The following ANKRD55 variants were observed in gnomAD, a reference collection of about 807,000 sequenced individuals.
ANKRD55 encodes the protein ankyrin repeat domain 55.
Under a neutral mutation model 60.6 loss-of-function variants are expected in ANKRD55, and 41 were observed. The observed-to-expected ratio is 0.68, with a 90% CI of 0.53 to 0.88. The LOEUF (loss-of-function observed/expected upper bound fraction) is 0.88. Among genes scored for constraint, ANKRD55 ranks in the 40% least tolerant of loss-of-function variants. The pLI, the probability that ANKRD55 is intolerant of heterozygous loss-of-function variation, is 0.00. For missense variants in ANKRD55, 732 were observed against 767.6 expected, an observed-to-expected ratio of 0.95 and a Z score of 0.55; for synonymous variants, 264 against 290.3, an observed-to-expected ratio of 0.91 and a Z score of 0.92.
chr5:56,198,921 T>TA (rs58895903), intron 2 of ANKRD55, among the ~76,000 whole-genome samples: 23,479 of 151,452 alleles, frequency 0.16, 1,982 homozygotes, highest in South Asian at 0.32. Context: ...CTACTAAAAA[T>TA]ACAAAAAATT....
chr5:56,181,866 A>G (rs1197216331), intron 3 of ANKRD55, among the ~76,000 whole-genome samples: 1 of 152,196 alleles, frequency 6.6e-6, no homozygotes, highest in Admixed American at 6.5e-5. Flanking sequence ...AAGTGTTGGG[A>G]TTATAGGCGT....
intron 10 of ANKRD55, among the ~76,000 whole-genome samples, chr5:56,105,232 G>A (rs1009142520): frequency 1.2e-4 from 19 of 152,086 alleles, no homozygotes; most frequent in African/African-American, 3.6e-4. Flanking sequence ...AACTACAGGC[G>A]TGCGCCACCA....
chr5:56,200,271 T>C (rs1025873117), intron 2 of ANKRD55, among the ~76,000 whole-genome samples: 2 of 152,276 alleles, frequency 1.3e-5, no homozygotes, highest in South Asian at 2.1e-4. Context: ...GAAAAAAGTA[T>C]GTATTTTGCT....
intron 2 of ANKRD55, among the ~76,000 whole-genome samples, chr5:56,227,896 A>G (rs1199655448): frequency 1.3e-5 from 2 of 152,326 alleles, no homozygotes; most frequent in African/African-American, 2.4e-5. Context: ...CGCTCTTGTC[A>G]ATATGTATCC....
chr5:56,192,904 T>A, intron 2 of ANKRD55: 10 of 638,108 alleles, frequency 1.6e-5, no homozygotes, highest in Non-Finnish European at 2.5e-5. Flanking sequence ...TAAAAGTATT[T>A]TTTATGAGTT....
At chr5:56,168,942 C>T (rs868772255) in intron 5 of ANKRD55, among the ~76,000 whole-genome samples, 6 of 152,318 alleles carry the variant, frequency 3.9e-5, no homozygotes, top group South Asian at 2.1e-4. Context: ...CTGCAACCTC[C>T]GCCTCCTGGG....
chr5:56,125,291 T>G (rs1196829228), intron 8 of ANKRD55, among the ~76,000 whole-genome samples: 1 of 152,084 alleles, frequency 6.6e-6, no homozygotes, highest in Non-Finnish European at 1.5e-5. Flanking sequence ...TTCTTTTTTT[T>G]TTTCAGACAG....
chr5:56,144,137 A>G (rs1163461582), intron 6 of ANKRD55, among the ~76,000 whole-genome samples: 1 of 152,246 alleles, frequency 6.6e-6, no homozygotes, highest in Non-Finnish European at 1.5e-5. Context: ...TTCAGGATAC[A>G]AAAGTTAATA....
At chr5:56,231,477 A>AT (rs1760250310) in intron 2 of ANKRD55, among the ~76,000 whole-genome samples, 1 of 152,070 alleles carries the variant, frequency 6.6e-6, no homozygotes, top group African/African-American at 2.4e-5. Context: ...TAGCAACATC[A>AT]TTTTTCAGCC....
chr5:56,227,100 G>A (rs160000), intron 2 of ANKRD55, among the ~76,000 whole-genome samples: 54,112 of 151,698 alleles, frequency 0.36, 10,762 homozygotes, highest in East Asian at 0.84. Flanking sequence ...AATGTCCATC[G>A]ATGATAGACT....
intron 2 of ANKRD55, among the ~76,000 whole-genome samples, chr5:56,219,273 CAA>C (rs35909700): frequency 1.4e-4 from 14 of 97,034 alleles, no homozygotes; most frequent in Non-Finnish European, 2.2e-4. Flanking sequence ...ACTCTGCCTC[CAA>C]AAAAAAAAAA....
At chr5:56,109,386 G>A (rs1490115991) in intron 10 of ANKRD55, among the ~76,000 whole-genome samples, 2 of 152,070 alleles carry the variant, frequency 1.3e-5, no homozygotes, top group African/African-American at 4.8e-5. Context: ...AGAGAAGCTA[G>A]AATTCTAGAT....
At chr5:56,131,888 A>G (rs1757429063) in intron 7 of ANKRD55, among the ~76,000 whole-genome samples, 1 of 151,672 alleles carries the variant, frequency 6.6e-6, no homozygotes, top group Non-Finnish European at 1.5e-5. Context: ...AAAGAAAAGA[A>G]GAACGCTGAA....
intron 8 of ANKRD55, among the ~76,000 whole-genome samples, chr5:56,119,746 T>A (rs1439863796): frequency 6.8e-6 from 1 of 147,820 alleles, no homozygotes; most frequent in African/African-American, 2.4e-5. Flanking sequence ...AAACCCAGTC[T>A]CTACAAAAAA....
At chr5:56,216,563 T>C (rs1759816521) in intron 2 of ANKRD55, among the ~76,000 whole-genome samples, 1 of 152,344 alleles carries the variant, frequency 6.6e-6, no homozygotes, top group Non-Finnish European at 1.5e-5. Context: ...AGAAAAGTTC[T>C]TGAAGGAAAT....
chr5:56,144,661 G>A lies in ANKRD55; in HGVS notation c.484-732C>T, dbSNP rs568806568. Among the ~76,000 whole-genome samples the A allele has an allele frequency of 2.6e-5, 4 of 152,182 alleles. No homozygotes were observed. The South Asian group carries it at 8.3e-4, about 31-fold the overall frequency. ...AATGAAGGATTTTAAGCAGGTACTG[G>A]CATGATCAGATGTACACTGTTTAGA... On this transcript the variant is annotated intron_variant, in intron 6 of 11. Coordinates refer to ENST00000341048, the MANE Select transcript of ANKRD55 (RefSeq NM_024669.3).
intron 4 of ANKRD55, 34 bp downstream of exon 4, chr5:56,176,118 C>T (rs1169411771): frequency 1.2e-6 from 2 of 1,613,508 alleles, no homozygotes; most frequent in Non-Finnish European, 1.7e-6. Flanking sequence ...GCCTACCCTG[C>T]TCCTTCCACC....
chr5:56,231,690 CACACACATACACATACACAA>C (rs1161016451), intron 2 of ANKRD55, among the ~76,000 whole-genome samples: 9 of 145,990 alleles, frequency 6.2e-5, no homozygotes, highest in African/African-American at 2.2e-4. Context: ...CACACACACA[CACACACATACACATACACAA>C]ACACTATTCC....
chr5:56,139,287 G>C (rs533871980), intron 7 of ANKRD55, among the ~76,000 whole-genome samples: 64 of 152,234 alleles, frequency 4.2e-4, no homozygotes, highest in African/African-American at 1.5e-3. Context: ...CACCTCTTTA[G>C]GGACCTACGG....
Sources: gnomAD v4.1 joint callset for allele counts (sites outside exome capture counted in the v4.1 genomes callset) on GRCh38, gnomAD v4.1.1 for gene constraint, MANE v1.5 for transcripts, NCBI Gene and HGNC (gene_info 2026-07-23, HGNC 2026-07-21) for gene names.